PCDHA5: variants seen among roughly 807,000 people sequenced by gnomAD.
PCDHA5 encodes the protein protocadherin alpha 5, also known as protocadherin alpha-5.
A neutral mutation model predicts 61.6 loss-of-function variants in PCDHA5; 43 were observed. That is an observed-to-expected ratio of 0.70 (90% CI 0.55 to 0.90). PCDHA5 has a LOEUF of 0.90. Among genes scored for constraint, PCDHA5 ranks in the 40% least tolerant of loss-of-function variants. PCDHA5 has a pLI of 0.00. For missense variants in PCDHA5, 1,298 were observed against 1,222.7 expected, an observed-to-expected ratio of 1.06 and a Z score of -0.92; for synonymous variants, 627 against 543.9, an observed-to-expected ratio of 1.15 and a Z score of -2.13.
At chr5:140,918,971 T>C (rs1342049692) in intron 1 of PCDHA5, among the ~76,000 whole-genome samples, 3 of 152,234 alleles carry the variant, frequency 2.0e-5, no homozygotes, top group Admixed American at 6.5e-5. Flanking sequence ...AGATATCGTT[T>C]AGGTTAGTTG....
intron 1 of PCDHA5, among the ~76,000 whole-genome samples, chr5:140,950,426 AC>A (rs386419652): frequency 1.3e-5 from 2 of 151,870 alleles, no homozygotes; most frequent in Admixed American, 6.6e-5. Flanking sequence ...ATTTTCTTCC[AC>A]TTAAAAAAAA....
chr5:140,959,320 A>C (rs2095480939), intron 1 of PCDHA5, among the ~76,000 whole-genome samples: 1 of 152,108 alleles, frequency 6.6e-6, no homozygotes, highest in Non-Finnish European at 1.5e-5. Context: ...AGCTGCAATA[A>C]GTTTTGATTA....
chr5:140,844,369 C>G (rs1345474134), intron 1 of PCDHA5, among the ~76,000 whole-genome samples: 1 of 149,206 alleles, frequency 6.7e-6, no homozygotes, highest in Admixed American at 6.7e-5. Context: ...GATTTGTAAT[C>G]CTTCTTTTAA....
intron 1 of PCDHA5, chr5:140,852,581 TA>T (rs1417948618): frequency 2.2e-5 from 18 of 832,290 alleles, no homozygotes; most frequent in South Asian, 5.3e-5. Flanking sequence ...AAGGCTTTTT[TA>T]TTTTTTTTTT....
chr5:140,965,229 C>A (rs1554227498), intron 1 of PCDHA5, among the ~76,000 whole-genome samples: 1 of 152,124 alleles, frequency 6.6e-6, no homozygotes, highest in Non-Finnish European at 1.5e-5. Context: ...AATGTGAGAA[C>A]CTGGGAAGAG....
chr5:140,830,816 C>T (rs2150189865), intron 1 of PCDHA5: 1 of 156,806 alleles, frequency 6.4e-6, no homozygotes, highest in South Asian at 2.0e-4. Context: ...ATTTGTTTGC[C>T]TTTGAGCTTT....
intron 1 of PCDHA5, among the ~76,000 whole-genome samples, chr5:140,950,908 T>G (rs1259421351): frequency 6.6e-6 from 1 of 152,072 alleles, no homozygotes; most frequent in Non-Finnish European, 1.5e-5. Flanking sequence ...TTTATTTTTA[T>G]TTTATTTCAG....
chr5:140,869,476 G>T (rs530490517), intron 1 of PCDHA5: 1 of 1,614,194 alleles, frequency 6.2e-7, no homozygotes, highest in African/African-American at 1.3e-5. Flanking sequence ...GGAGGTGAAG[G>T]ACATTAACGA....
intron 3 of PCDHA5, among the ~76,000 whole-genome samples, chr5:140,988,219 G>C (rs976112285): frequency 1.3e-5 from 2 of 152,132 alleles, no homozygotes; most frequent in African/African-American, 2.4e-5. Flanking sequence ...AAAAAAATGA[G>C]ATCAGGGATC....
At chr5:140,824,339 T>C in intron 1 of PCDHA5, 1 of 614,882 alleles carries the variant, frequency 1.6e-6, no homozygotes, top group Non-Finnish European at 2.8e-6. Context: ...ATTAAGTGTT[T>C]TTAAAATAAT....
chr5:140,924,905 AT>A (rs1216976019), intron 1 of PCDHA5, among the ~76,000 whole-genome samples: 1,708 of 55,768 alleles, frequency 0.031, 41 homozygotes, highest in African/African-American at 0.13. Flanking sequence ...AAAAAAAAAA[AT>A]AAAATAAAAT....
chr5:140,827,875 C>A (rs538155297), intron 1 of PCDHA5: 1 of 643,830 alleles, frequency 1.6e-6, no homozygotes, highest in South Asian at 2.0e-5. Context: ...AGCACTGTTA[C>A]GTGAATTGAT....
chr5:140,869,546 C>A (rs201504685), intron 1 of PCDHA5: 3 of 1,614,170 alleles, frequency 1.9e-6, no homozygotes, highest in East Asian at 4.5e-5. Flanking sequence ...TCTAAGCAAT[C>A]GGACTCGCGT....
At chr5:140,982,092 G>A (rs984553109) in intron 2 of PCDHA5, among the ~76,000 whole-genome samples, 1 of 152,218 alleles carries the variant, frequency 6.6e-6, no homozygotes, top group African/African-American at 2.4e-5. Context: ...CTAGGAACAA[G>A]AGAACCTGCA....
At chr5:140,954,221 T>C (rs1237648662) in intron 1 of PCDHA5, among the ~76,000 whole-genome samples, 2 of 152,252 alleles carry the variant, frequency 1.3e-5, no homozygotes, top group African/African-American at 4.8e-5. Flanking sequence ...TTTTTGCTAT[T>C]GTGAATAGTG....
intron 1 of PCDHA5, chr5:140,883,223 T>C: frequency 6.2e-7 from 1 of 1,613,922 alleles, no homozygotes; most frequent in Non-Finnish European, 8.5e-7. Flanking sequence ...ATATGAAATA[T>C]CCGTGGAGGC....
chr5:140,888,533 T>C (rs2061866119), intron 1 of PCDHA5, among the ~76,000 whole-genome samples: 1 of 152,228 alleles, frequency 6.6e-6, no homozygotes, highest in South Asian at 2.1e-4. Flanking sequence ...TGAAGTTAAG[T>C]TGCTCAGTAC....
At chr5:140,863,571 TA>T in intron 1 of PCDHA5, 1 of 369,950 alleles carries the variant, frequency 2.7e-6, no homozygotes, top group South Asian at 2.1e-5. Context: ...AGAATATAAG[TA>T]CTGTAATCCT....
In PCDHA5 at chr5:140,900,434, C is replaced by T. The variant is rs545919996; in HGVS notation, c.2352+76307C>T. On this transcript the variant is annotated intron_variant, in intron 1 of 3. Transcript: ENST00000529859. Reference sequence around the variant, plus strand: ...CTGGGATTATAGGCACGTGCCACCACGGCCGGCTAATTTTTTATTTTTAGT... The same window carrying T: ...CTGGGATTATAGGCACGTGCCACCATGGCCGGCTAATTTTTTATTTTTAGT... Among the ~76,000 whole-genome samples, 18 of 152,264 alleles carry T rather than the reference C, an allele frequency of 1.2e-4. No individual in the cohort carries two copies. The East Asian group carries it at 2.5e-3, about 21-fold the overall frequency.
Sources: gnomAD v4.1 joint callset for allele counts (sites outside exome capture counted in the v4.1 genomes callset) on GRCh38, gnomAD v4.1.1 for gene constraint, MANE v1.5 for transcripts, NCBI Gene and HGNC (gene_info 2026-07-23, HGNC 2026-07-21) for gene names.